Variants in PTPRT observed in about 807,000 individuals in gnomAD.
PTPRT encodes protein tyrosine phosphatase receptor type T.
A neutral mutation model predicts 176.8 loss-of-function variants in PTPRT; 56 were observed. The observed-to-expected ratio is 0.32, with a 90% confidence interval of 0.26 to 0.40. The LOEUF (loss-of-function observed/expected upper bound fraction) is 0.40. Among genes scored for constraint, PTPRT ranks in the 10% least tolerant of loss-of-function variants. The probability of loss-of-function intolerance (pLI) is 1.00; values close to 1 mark genes in which losing one functional copy is unlikely to be tolerated. For missense variants in PTPRT, 1,540 were observed against 1,908.2 expected (o/e 0.81, Z 3.60); for synonymous variants, 783 against 739.0 (o/e 1.06, Z -0.96).
At chr20:43,049,966 A>T (rs937034023) in intron 1 of PTPRT, among the ~76,000 whole-genome samples, 4 of 152,220 alleles carry the variant, frequency 2.6e-5, no homozygotes, top group Non-Finnish European at 4.4e-5. Flanking sequence ...GGTACTATCA[A>T]CTTTATGTTA....
At chr20:42,941,214 T>G (rs1232267476) in intron 1 of PTPRT, among the ~76,000 whole-genome samples, 2 of 152,156 alleles carry the variant, frequency 1.3e-5, no homozygotes, top group African/African-American at 4.8e-5. Context: ...AGAAAAAAGC[T>G]TCAAAGCCCA....
At chr20:43,176,771 G>A (rs936570982) in intron 1 of PTPRT, among the ~76,000 whole-genome samples, 2 of 152,200 alleles carry the variant, frequency 1.3e-5, no homozygotes, top group African/African-American at 4.8e-5. Context: ...AGAAAATCCT[G>A]ATATTTGTAA....
At chr20:42,831,184 T>C (rs1216597663) in intron 2 of PTPRT, among the ~76,000 whole-genome samples, 2 of 152,112 alleles carry the variant, frequency 1.3e-5, no homozygotes, top group East Asian at 1.9e-4. Flanking sequence ...AACAGATCTA[T>C]AGACCAATGA....
At chr20:42,319,996 C>T (rs942047519) in intron 11 of PTPRT, among the ~76,000 whole-genome samples, 2 of 152,170 alleles carry the variant, frequency 1.3e-5, no homozygotes, top group African/African-American at 4.8e-5. Flanking sequence ...CAGCACATAG[C>T]ATTTACTCAT....
intron 27 of PTPRT, among the ~76,000 whole-genome samples, chr20:42,086,674 C>T (rs1983943073): frequency 7.1e-6 from 1 of 140,154 alleles, no homozygotes; most frequent in Non-Finnish European, 1.5e-5. Flanking sequence ...TTGCAGTGAG[C>T]TGAGATCGCG....
chr20:42,696,153 C>T (rs542817342), intron 6 of PTPRT, among the ~76,000 whole-genome samples: 3 of 151,768 alleles, frequency 2.0e-5, no homozygotes, highest in Non-Finnish European at 4.4e-5. Context: ...CCCTTTTCTT[C>T]CCTCTCCCCT....
At position 42,098,687 on chromosome 20, in the gene PTPRT, A is replaced by G. The variant is rs578200821; in HGVS notation, c.3715-135T>C. ...ATACAAAACACCTGCCTGTTCTTTT[A>G]TCTCTCCACGCCCTGGCGGCAAAGG... On this transcript the variant is annotated intron_variant, in intron 26 of 30. Transcript: ENST00000373187. The G allele has an allele frequency of 1.1e-5, 13 of 1,173,950 alleles. No homozygotes were observed. The South Asian group carries it at 2.1e-4, about 19-fold the overall frequency. 72.7% of individuals were successfully genotyped at this position (1,173,950 alleles called of 1,614,324 possible).
At chr20:42,673,118 G>A (rs1344714952) in intron 7 of PTPRT, among the ~76,000 whole-genome samples, 2 of 152,164 alleles carry the variant, frequency 1.3e-5, no homozygotes, top group African/African-American at 4.8e-5. Flanking sequence ...AGGTCCCCAG[G>A]GCTGAAGACT....
chr20:43,043,174 G>C (rs1986696668), intron 1 of PTPRT, among the ~76,000 whole-genome samples: 1 of 152,164 alleles, frequency 6.6e-6, no homozygotes, highest in Admixed American at 6.5e-5. Context: ...TCCCCTGCAA[G>C]TTGAAGTGCT....
chr20:42,945,710 C>T (rs569639515), intron 1 of PTPRT, among the ~76,000 whole-genome samples: 5 of 152,308 alleles, frequency 3.3e-5, no homozygotes, highest in African/African-American at 4.8e-5. Context: ...TGGGGTGCTT[C>T]GCTCTTAATG....
At chr20:42,249,491 ACTATACATCCTTAGC>A (rs2056514021) in intron 13 of PTPRT, among the ~76,000 whole-genome samples, 1 of 152,222 alleles carries the variant, frequency 6.6e-6, no homozygotes, top group African/African-American at 2.4e-5. Flanking sequence ...CTGGCCACTT[ACTATACATCCTTAGC>A]CCTATCCTGG....
chr20:42,384,430 C>T (rs1054065056), intron 9 of PTPRT, among the ~76,000 whole-genome samples: 2 of 152,016 alleles, frequency 1.3e-5, no homozygotes, highest in African/African-American at 2.4e-5. Flanking sequence ...GACAAGGGTG[C>T]GAGGGTGTTT....
chr20:42,730,491 T>A (rs920559251), intron 6 of PTPRT, among the ~76,000 whole-genome samples: 2 of 152,156 alleles, frequency 1.3e-5, no homozygotes, highest in Non-Finnish European at 2.9e-5. Flanking sequence ...TTTTCACCCA[T>A]AACAGATAGA....
At chr20:42,765,794 C>T (rs990258262) in intron 5 of PTPRT, among the ~76,000 whole-genome samples, 1 of 151,994 alleles carries the variant, frequency 6.6e-6, no homozygotes, top group Non-Finnish European at 1.5e-5. Flanking sequence ...TTTTCACTTA[C>T]ATGTTATGAA....
At chr20:42,671,507 A>G (rs1024610265) in intron 7 of PTPRT, among the ~76,000 whole-genome samples, 1 of 152,216 alleles carries the variant, frequency 6.6e-6, no homozygotes, top group Non-Finnish European at 1.5e-5. Flanking sequence ...ATCCCAGACC[A>G]CAGCATGAAC....
intron 1 of PTPRT, among the ~76,000 whole-genome samples, chr20:42,975,959 G>A (rs1982921344): frequency 6.6e-6 from 1 of 151,778 alleles, no homozygotes; most frequent in Admixed American, 6.6e-5. Context: ...CTTAGATAGG[G>A]TCATGAAGCA....
At chr20:42,620,236 T>C (rs2074164681) in intron 7 of PTPRT, among the ~76,000 whole-genome samples, 1 of 150,190 alleles carries the variant, frequency 6.7e-6, no homozygotes, top group Non-Finnish European at 1.5e-5. Flanking sequence ...GGGGGGTGCC[T>C]CCCAGTTAGG....
intron 12 of PTPRT, among the ~76,000 whole-genome samples, chr20:42,303,094 G>A (rs2057493330): frequency 1.3e-5 from 2 of 152,282 alleles, no homozygotes; most frequent in South Asian, 4.1e-4. Context: ...TCTATTAGGA[G>A]CTGGCAACCC....
At chr20:43,095,903 A>C (rs1222822910) in intron 1 of PTPRT, among the ~76,000 whole-genome samples, 20 of 990 alleles carry the variant, frequency 0.02, no homozygotes, top group Admixed American at 0.079. Context: ...CTCTCTCCCC[A>C]CCTCTCTCCT....
Sources: allele counts gnomAD v4.1 joint callset (sites outside exome capture counted in the v4.1 genomes callset), GRCh38; gene constraint gnomAD v4.1.1; transcripts MANE v1.5; gene names NCBI Gene and HGNC (gene_info 2026-07-23, HGNC 2026-07-21).